The following ZFHX4 variants were observed in gnomAD, a reference collection of about 807,000 sequenced individuals.
ZFHX4 encodes the protein zinc finger homeobox protein 4.
ZFHX4 carries 56 observed loss-of-function variants against 267.6 expected under a neutral mutation model. The observed-to-expected ratio is 0.21, with a 90% confidence interval of 0.17 to 0.26. ZFHX4 has a LOEUF of 0.26. Among genes scored for constraint, ZFHX4 ranks in the 10% least tolerant of loss-of-function variants. The probability of loss-of-function intolerance (pLI) is 1.00; values close to 1 mark genes in which losing one functional copy is unlikely to be tolerated. For synonymous variants in ZFHX4, 1,778 were observed against 1,665.6 expected (o/e 1.07, Z -1.64); for missense variants, 4,332 against 4,420.0 (o/e 0.98, Z 0.56).
chr8:76,790,919 G>C (rs1782988644), intron 4 of ZFHX4, among the ~76,000 whole-genome samples: 1 of 152,166 alleles, frequency 6.6e-6, no homozygotes, highest in South Asian at 2.1e-4. Flanking sequence ...TGCCTTGGTT[G>C]AGTAACAGCC....
chr8:76,686,815 G>A (rs1166690631), intron 1 of ZFHX4, among the ~76,000 whole-genome samples: 1 of 152,084 alleles, frequency 6.6e-6, no homozygotes, highest in African/African-American at 2.4e-5. Flanking sequence ...CTGGTCTCTA[G>A]CACTCTCACA....
chr8:76,811,897 C>T (rs1414493763), intron 4 of ZFHX4, among the ~76,000 whole-genome samples: 2 of 151,976 alleles, frequency 1.3e-5, no homozygotes, highest in Non-Finnish European at 2.9e-5. Context: ...GCACTCCAGC[C>T]TGGGCAACAA....
chr8:76,765,139 A>G (rs573493993), intron 3 of ZFHX4, among the ~76,000 whole-genome samples: 1 of 152,304 alleles, frequency 6.6e-6, no homozygotes, highest in South Asian at 2.1e-4. Context: ...GCACTTGGTA[A>G]CCTAAAATAC....
At chr8:76,755,648 C>T (rs1321662632) in intron 3 of ZFHX4, among the ~76,000 whole-genome samples, 1 of 152,152 alleles carries the variant, frequency 6.6e-6, no homozygotes, top group Non-Finnish European at 1.5e-5. Context: ...ATTAGTAACA[C>T]CAACAATTAC....
chr8:76,852,049 C>G lies in ZFHX4; in HGVS notation c.5128C>G (p.Gln1710Glu), dbSNP rs752008824. Residue 1710 changes from glutamine (Q) to glutamate (E), a missense_variant, in exon 10 of 11, where the codon CAG (glutamine) becomes GAG (glutamate). This residue lies in a region of ZFHX4 where 1,371 missense variants were observed against 1,423.1 expected (regional missense o/e 0.96). Transcript: ENST00000651372. ...ATTACAACAGCAAGCCGCATTCTTT[C>G]AGCCTCAGTTTCTAAACCCAGCCTT... ...HELQQQAAFF[Q>E]PQFLNPAFLP... is the part of the protein sequence containing the mutation. 2 of 1,613,904 alleles carry G rather than the reference C, an allele frequency of 1.2e-6. No individual in the cohort carries two copies. The highest frequency in any genetic ancestry group is 1.7e-6 in the Non-Finnish European group (2 of 1,179,890).
chr8:76,777,617 A>G (rs1336495469), intron 3 of ZFHX4, among the ~76,000 whole-genome samples: 4 of 152,192 alleles, frequency 2.6e-5, no homozygotes, highest in Non-Finnish European at 5.9e-5. Flanking sequence ...AGTAACCTCT[A>G]TCACGGAGGG....
Position 76,854,653 on chromosome 8 carries a change from C to T in ZFHX4, c.7732C>T (p.Leu2578=), listed in dbSNP as rs749095310. The change falls in exon 10 of 11, where the codon CTA becomes TTA. Residue 2578 remains leucine, a synonymous_variant. Transcript: ENST00000651372. The part of the protein sequence containing the change: ...TTAPTTVAAS[L]KRKLDDKEDN... ...AGCCCCCACAACGGTTGCTGCTTCC[C>T]TAAAAAGGAAACTAGACGATAAAGA... 6.2e-7 allele frequency: 1 copy of T among 1,613,680 alleles called. No homozygotes were observed.
intron 3 of ZFHX4, among the ~76,000 whole-genome samples, chr8:76,758,279 A>G (rs1398285342): frequency 6.6e-6 from 1 of 152,154 alleles, no homozygotes; most frequent in Non-Finnish European, 1.5e-5. Flanking sequence ...TTTCAATTGT[A>G]GCTCTGAAAG....
intron 3 of ZFHX4, among the ~76,000 whole-genome samples, chr8:76,710,958 G>A (rs1050171581): frequency 6.6e-6 from 1 of 151,998 alleles, no homozygotes; most frequent in Non-Finnish European, 1.5e-5. Flanking sequence ...GCAGGATTTA[G>A]GCAGCTTTAA....
At chr8:76,691,945 T>G (rs1271491338) in intron 1 of ZFHX4, among the ~76,000 whole-genome samples, 1 of 152,084 alleles carries the variant, frequency 6.6e-6, no homozygotes, top group African/African-American at 2.4e-5. Context: ...GAAAAAGATA[T>G]GAATTTGGCA....
Position 76,706,635 on chromosome 8 carries a change from C to A in ZFHX4, c.2547C>A (p.Phe849Leu), listed in dbSNP as rs1250836707. The A allele has an allele frequency of 3.1e-6, 5 of 1,601,406 alleles. No individual in the cohort carries two copies. In the South Asian group the frequency reaches 4.5e-5, roughly 15 times the overall value. ...ACCCTCAGCTGATGATCAATCCATT[C>A]CAGCTGGATCCAGCGACAGCAGCGG... ...PADPQLMINP[F>L]QLDPATAAAL... Residue 849 changes from phenylalanine (F) to leucine (L), a missense_variant, in exon 2 of 11, where the codon TTC becomes TTA. Phe to Leu is a conservative substitution (Grantham distance 22). This residue lies in a region of ZFHX4 where 1,195 missense variants were observed against 1,173.6 expected (regional missense o/e 1.02). Coordinates refer to ENST00000651372, the MANE Select transcript of ZFHX4 (RefSeq NM_024721.5).
chr8:76,744,849 A>G (rs567834798), intron 3 of ZFHX4, among the ~76,000 whole-genome samples: 1 of 152,316 alleles, frequency 6.6e-6, no homozygotes, highest in African/African-American at 2.4e-5. Flanking sequence ...CTAGAACTGA[A>G]TAAGATTCAG....
Position 76,852,540 on chromosome 8 carries a change from A to G in ZFHX4, c.5619A>G (p.Ile1873Met). The G allele has an allele frequency of 6.2e-7, 1 of 1,610,394 alleles. No individual in the cohort carries two copies. The highest frequency in any genetic ancestry group is 8.5e-7 in the Non-Finnish European group (1 of 1,178,168). The change falls in exon 10 of 11, where the codon ATA becomes ATG. Residue 1873 changes from isoleucine (I) to methionine (M), a missense_variant. By Grantham distance (10) the Ile-to-Met change is conservative (BLOSUM62 1). Around this residue, in one of 7 missense-constraint regions of ZFHX4, gnomAD observed 1,371 missense variants for 1,423.1 expected, o/e 0.96. Transcript: ENST00000651372. ...CAGAAAAACCAAAGCAGGAATTTATAAGTGAAGGTGAAGGACTCAAAGAAG... is the reference window on the plus strand; with the variant it reads ...CAGAAAAACCAAAGCAGGAATTTATGAGTGAAGGTGAAGGACTCAAAGAAG... ...EKPEKPKQEF[I>M]SEGEGLKEGK...
rs1243997761 is a variant in ZFHX4, at chr8:76,854,808, T to C, written c.7887T>C (p.Asn2629=). The C allele has an allele frequency of 1.9e-6, 3 of 1,610,736 alleles. No homozygotes were observed. The highest frequency in any genetic ancestry group is 2.7e-5 in the African/African-American group (2 of 74,474). ...ATGAAAAATACTTGCTGGATTCCAA[T>C]CCTACCAGAAAAATGCTTGATCATA... is the stretch of plus-strand genomic sequence containing the variant. ...ILYEKYLLDS[N]PTRKMLDHIA... The change falls in exon 10 of 11, where the codon AAT becomes AAC. Residue 2629 remains asparagine (N), a synonymous_variant. Coordinates refer to ENST00000651372, the MANE Select transcript of ZFHX4 (RefSeq NM_024721.5).
chr8:76,739,289 C>A (rs1166591399), intron 3 of ZFHX4, among the ~76,000 whole-genome samples: 1 of 152,040 alleles, frequency 6.6e-6, no homozygotes, highest in Non-Finnish European at 1.5e-5. Flanking sequence ...ATTCTTAAGC[C>A]TTTATTTTTT....
chr8:76,758,293 C>T (rs1310841958), intron 3 of ZFHX4, among the ~76,000 whole-genome samples: 6 of 151,980 alleles, frequency 3.9e-5, no homozygotes, highest in Admixed American at 3.9e-4. Flanking sequence ...CTGAAAGGTA[C>T]ATGAAAAATT....
intron 4 of ZFHX4, among the ~76,000 whole-genome samples, chr8:76,794,433 T>G (rs1810918284): frequency 6.6e-6 from 1 of 152,154 alleles, no homozygotes; most frequent in Non-Finnish European, 1.5e-5. Flanking sequence ...TCCAGGAAAA[T>G]GTGCTTTGGA....
intron 4 of ZFHX4, among the ~76,000 whole-genome samples, chr8:76,831,635 C>G (rs527349461): frequency 2.2e-4 from 34 of 152,270 alleles, no homozygotes; most frequent in Non-Finnish European, 4.7e-4. Flanking sequence ...ATTTGAACAA[C>G]TCAAAATTTA....
chr8:76,687,277 A>G (rs1438618594), intron 1 of ZFHX4, among the ~76,000 whole-genome samples: 2 of 152,202 alleles, frequency 1.3e-5, no homozygotes, highest in Non-Finnish European at 2.9e-5. Flanking sequence ...AGAATGTCCT[A>G]AAAAGAAAGC....
Sources: allele counts gnomAD v4.1 joint callset (sites outside exome capture counted in the v4.1 genomes callset), GRCh38; gene constraint gnomAD v4.1.1; regional missense constraint gnomAD v4.1.1; transcripts MANE v1.5; gene names NCBI Gene and HGNC (gene_info 2026-07-23, HGNC 2026-07-21).